CACNA1B: variants seen among roughly 807,000 people sequenced by gnomAD.
The protein encoded by CACNA1B is voltage-dependent N-type calcium channel subunit alpha-1B.
In CACNA1B, 70 loss-of-function variants were observed where a neutral mutation model predicts 247.2. That is an observed-to-expected ratio of 0.28 (90% CI 0.23 to 0.35). The LOEUF is 0.35. CACNA1B is among the 10% of genes least tolerant of loss of function. The pLI, the probability that CACNA1B is intolerant of heterozygous loss-of-function variation, is 1.00. For synonymous variants in CACNA1B, 1,231 were observed against 1,294.4 expected, an observed-to-expected ratio of 0.95 and a Z score of 1.05; for missense variants, 2,367 against 3,197.4, an observed-to-expected ratio of 0.74 and a Z score of 6.26.
At chr9:138,110,930 A>G (rs374333142) in intron 39 of CACNA1B, among the ~76,000 whole-genome samples, 36 of 151,648 alleles carry the variant, frequency 2.4e-4, no homozygotes, top group African/African-American at 8.5e-4. Flanking sequence ...GCAAACAAAC[A>G]CATGCAAAAA....
intron 3 of CACNA1B, among the ~76,000 whole-genome samples, chr9:137,907,124 G>T (rs1214573110): frequency 6.6e-6 from 1 of 152,164 alleles, no homozygotes; most frequent in Non-Finnish European, 1.5e-5. Flanking sequence ...GCGTGTGAGT[G>T]TGTCTGTGTA....
intron 21 of CACNA1B, among the ~76,000 whole-genome samples, chr9:138,046,067 C>T (rs776774148): frequency 6.6e-6 from 1 of 152,222 alleles, no homozygotes; most frequent in African/African-American, 2.4e-5. Flanking sequence ...GCTTCCCAGC[C>T]TCCTGGTTAC....
chr9:137,904,242 C>T (rs1162697089), intron 3 of CACNA1B, among the ~76,000 whole-genome samples: 2 of 152,172 alleles, frequency 1.3e-5, no homozygotes, highest in Middle Eastern at 3.4e-3. Context: ...CATGTAAAAC[C>T]CAGAGTGCTG....
In CACNA1B at chr9:137,956,754, C is replaced by T. The variant is rs1226734084; in HGVS notation, c.1187-17C>T. Reference sequence around the variant, plus strand: ...GGGTCAGGAGGGCTCTGACCTGAGGCTGTGTTCCCCTCGCAGAGGAAGTCA... The same window carrying T: ...GGGTCAGGAGGGCTCTGACCTGAGGTTGTGTTCCCCTCGCAGAGGAAGTCA... On this transcript the variant is annotated splice_polypyrimidine_tract_variant and intron_variant, in intron 8 of 46. Transcript: ENST00000371372. The T allele has an allele frequency of 1.2e-6, 2 of 1,612,434 alleles. No individual in the cohort carries two copies. Among genetic ancestry groups the T allele is most frequent in the Admixed American group, 1.7e-5 (1 of 59,988 alleles).
intron 6 of CACNA1B, among the ~76,000 whole-genome samples, chr9:137,924,295 G>A (rs1316338358): frequency 2.0e-5 from 3 of 149,592 alleles, no homozygotes; most frequent in African/African-American, 4.9e-5. Flanking sequence ...GTTTTTGCCT[G>A]CCTGCCTTCC....
intron 12 of CACNA1B, among the ~76,000 whole-genome samples, chr9:137,980,109 A>G (rs1958277016): frequency 6.6e-6 from 1 of 152,198 alleles, no homozygotes; most frequent in South Asian, 2.1e-4. Context: ...CACTGGCAGA[A>G]TTTTGGGAAT....
intron 35 of CACNA1B, among the ~76,000 whole-genome samples, chr9:138,076,353 C>A (rs1256211969): frequency 6.6e-6 from 1 of 152,194 alleles, no homozygotes; most frequent in Admixed American, 6.5e-5. Context: ...AGTAGGGCAA[C>A]AGGGGGAACT....
At chr9:137,972,473 T>C (rs1824513235) in intron 11 of CACNA1B, among the ~76,000 whole-genome samples, 1 of 152,008 alleles carries the variant, frequency 6.6e-6, no homozygotes, top group Admixed American at 6.5e-5. Context: ...AGGAAAGCCT[T>C]TTCCGACTCC....
At chr9:138,032,628 A>G in intron 20 of CACNA1B, 2 of 448,932 alleles carry the variant, frequency 4.5e-6, no homozygotes, top group Middle Eastern at 7.0e-4. Flanking sequence ...TTCATTCCTG[A>G]AGGGTATTTT....
At chr9:138,080,394 C>T (rs767425121) in intron 36 of CACNA1B, among the ~76,000 whole-genome samples, 1 of 151,940 alleles carries the variant, frequency 6.6e-6, no homozygotes, top group East Asian at 1.9e-4. Context: ...GGTGGAGACT[C>T]GGGAGGCAGT....
Position 138,074,084 on chromosome 9 carries a change from G to A in CACNA1B, c.4857+18G>A. 4 of 1,603,330 alleles carry A rather than the reference G, an allele frequency of 2.5e-6. No individual in the cohort carries two copies. The highest frequency in any genetic ancestry group is 3.4e-6 in the Non-Finnish European group (4 of 1,172,076). On this transcript the variant is annotated intron_variant, in intron 34 of 46. Coordinates refer to ENST00000371372, the MANE Select transcript of CACNA1B (RefSeq NM_000718.4). ...GCATGCAGGTGGGTGCTCCCCTTTG[G>A]GACAGAGCGTGGTTCCGGCCTCCCG...
At chr9:138,032,864 CTTTAAG>C in intron 20 of CACNA1B, 1 of 317,740 alleles carries the variant, frequency 3.1e-6, no homozygotes, top group South Asian at 2.4e-5. Context: ...ATGTGAGTTC[CTTTAAG>C]TTTATCTTGT....
At chr9:138,060,185 G>C (rs764070564) in intron 31 of CACNA1B, among the ~76,000 whole-genome samples, 5 of 152,114 alleles carry the variant, frequency 3.3e-5, no homozygotes, top group South Asian at 4.1e-4. Flanking sequence ...TGTGGATTAT[G>C]TCTTAAAATT....
At chr9:138,062,700 G>A (rs1215853066) in intron 31 of CACNA1B, among the ~76,000 whole-genome samples, 1 of 152,202 alleles carries the variant, frequency 6.6e-6, no homozygotes, top group Non-Finnish European at 1.5e-5. Flanking sequence ...CTCTGTGGAG[G>A]CTTTCCCAGG....
rs960609336 is a variant in CACNA1B at position 138,022,952 on chromosome 9, C to T, written c.2268-59C>T. On this transcript the variant is annotated intron_variant, in intron 18 of 46. Transcript: ENST00000371372. ...ATTGCTGTGTGTGCATTGTGGCCTC[C>T]CTGGAGAGCGGCGGGCGGGCGGCAG... 4.9e-4 allele frequency: 713 copies of T among 1,445,396 alleles called. 3 individuals are homozygous for T. The highest frequency in any genetic ancestry group is 6.1e-4 in the Non-Finnish European group (681 of 1,107,436). The allele number at this position is 1,445,396 out of a possible 1,614,324, so 89.5% of individuals were successfully genotyped here.
rs1049809192 is a variant in CACNA1B, at chr9:138,011,876, C to T, written c.2161-1253C>T. Among the ~76,000 whole-genome samples, 2 of 152,142 alleles carry T rather than the reference C, an allele frequency of 1.3e-5. No homozygotes were observed. The highest frequency in any genetic ancestry group is 4.8e-5 in the African/African-American group (2 of 41,432). On this transcript the variant is annotated intron_variant, in intron 17 of 46. Coordinates refer to ENST00000371372, the MANE Select transcript of CACNA1B (RefSeq NM_000718.4). The surrounding 1 kb of genome is among the most constrained non-coding windows in gnomAD (Gnocchi z 4.2). ...CTGGGAATGCTGGCTCCCAGGGGAGCCAGGTGGGTCTGGGCTTCAGGATTT... is the reference window on the plus strand; with the variant it reads ...CTGGGAATGCTGGCTCCCAGGGGAGTCAGGTGGGTCTGGGCTTCAGGATTT...
chr9:138,017,016 C>T (rs1357654044), intron 18 of CACNA1B: 2 of 448,456 alleles, frequency 4.5e-6, no homozygotes, highest in African/African-American at 2.0e-5. Flanking sequence ...CGTCTGCGGC[C>T]TCCTGTCCAG....
intron 15 of CACNA1B, among the ~76,000 whole-genome samples, chr9:138,005,045 A>G (rs1050704631): frequency 6.6e-6 from 1 of 152,248 alleles, no homozygotes; most frequent in African/African-American, 2.4e-5. Context: ...AATGTAAATT[A>G]GTCCAGCCAC....
In CACNA1B at chr9:138,057,345, G is replaced by A. The variant is rs1959547827; in HGVS notation, c.3969-387G>A. 1.3e-5 allele frequency among the ~76,000 whole-genome samples: 2 copies of A among 152,134 alleles called. No individual in the cohort carries two copies. The highest frequency in any genetic ancestry group is 2.1e-4 in the South Asian group (1 of 4,822). The stretch of plus-strand genomic sequence containing the variant: ...CCATTCTGTGGATTTGTCTCTTTAC[G>A]TTCTCGGCGTCCTCTGAGCACAGAA... On this transcript the variant is annotated intron_variant, in intron 26 of 46. Coordinates refer to ENST00000371372, the MANE Select transcript of CACNA1B (RefSeq NM_000718.4). This position sits in a 1 kb window ranked among gnomAD's most constrained non-coding sequence, Gnocchi z 4.0.
Sources: allele counts gnomAD v4.1 joint callset (sites outside exome capture counted in the v4.1 genomes callset), GRCh38; gene constraint gnomAD v4.1.1; non-coding constraint Gnocchi (gnomAD v3.1); transcripts MANE v1.5; gene names NCBI Gene and HGNC (gene_info 2026-07-23, HGNC 2026-07-21).